Variants in NOP58 observed in about 807,000 individuals in gnomAD.
NOP58 encodes the protein NOP58 ribonucleoprotein.
Under a neutral mutation model 71.2 loss-of-function variants are expected in NOP58, and 44 were observed. The observed-to-expected ratio is 0.62, with a 90% CI of 0.49 to 0.79. The LOEUF is 0.79. NOP58 is among the 30% of genes least tolerant of loss of function. The probability of loss-of-function intolerance (pLI) is 0.00; values close to 1 mark genes in which losing one functional copy is unlikely to be tolerated. For synonymous variants in NOP58, 228 were observed against 200.3 expected (o/e 1.14, Z -1.17); for missense variants, 538 against 620.2 (o/e 0.87, Z 1.41).
chr2:202,265,857 G>A lies in NOP58; in HGVS notation c.-85G>A. On this transcript the variant is annotated 5_prime_UTR_variant, in exon 1 of 15. Transcript: ENST00000264279. ...GTGCTTTGCCCGCCGCGGCCTAGGAGGCCTTTTGAGGCCGCGTAGTCGGTG... is the reference window on the plus strand; with the variant it reads ...GTGCTTTGCCCGCCGCGGCCTAGGAAGCCTTTTGAGGCCGCGTAGTCGGTG... The A allele has an allele frequency of 6.6e-7, 1 of 1,514,870 alleles. No individual in the cohort carries two copies. The highest frequency in any genetic ancestry group is 1.1e-5 in the South Asian group (1 of 88,892). The allele number at this position is 1,514,870 out of a possible 1,614,324, so 93.8% of individuals were successfully genotyped here. A position where few individuals can be genotyped will look rare whatever the true frequency, so the allele number is the denominator to read the frequency against.
intron 6 of NOP58, among the ~76,000 whole-genome samples, chr2:202,290,018 G>A (rs945471803): frequency 1.3e-5 from 2 of 151,922 alleles, no homozygotes; most frequent in African/African-American, 2.4e-5. Flanking sequence ...GCAGTAGCAC[G>A]ATCTCGGCTC....
At chr2:202,266,956 A>G (rs1031476605) in intron 1 of NOP58, among the ~76,000 whole-genome samples, 25 of 118,654 alleles carry the variant, frequency 2.1e-4, no homozygotes, top group Admixed American at 2.1e-3. Context: ...CGGGCAGTTC[A>G]GTATTTCAGA....
At chr2:202,301,976 T>A (rs956042000) in intron 13 of NOP58, among the ~76,000 whole-genome samples, 1 of 152,146 alleles carries the variant, frequency 6.6e-6, no homozygotes, top group Non-Finnish European at 1.5e-5. Context: ...AACGAATATT[T>A]TTGCCTCTTG....
chr2:202,276,433 CGTT>C (rs1559260497), intron 2 of NOP58: 6 of 508,410 alleles, frequency 1.2e-5, no homozygotes, highest in South Asian at 4.3e-5. Context: ...TAATCTGATT[CGTT>C]GTTGTCAATG....
At chr2:202,283,444 A>ATT (rs112839981) in intron 4 of NOP58, among the ~76,000 whole-genome samples, 11,465 of 134,770 alleles carry the variant, frequency 0.085, 1,542 homozygotes, top group African/African-American at 0.29. Flanking sequence ...CCAACCTGTA[A>ATT]TTTTTTTTTT....
At chr2:202,303,272 A>G in intron 14 of NOP58, 114 bp from the exon 15 acceptor site, 2 of 1,459,294 alleles carry the variant, frequency 1.4e-6, no homozygotes, top group Non-Finnish European at 1.9e-6. Flanking sequence ...TGAGGGGAGG[A>G]GTATGATTTG....
intron 4 of NOP58, 41 bp from the exon 5 acceptor site, chr2:202,284,303 CT>C (rs751137102): frequency 0.073 from 74,905 of 1,025,696 alleles, no homozygotes; most frequent in South Asian, 0.11. Context: ...TCAGGAAAGT[CT>C]TTTTTTTTTT....
intron 9 of NOP58, chr2:202,293,139 G>A (rs1455317219): frequency 7.2e-6 from 5 of 696,342 alleles, no homozygotes; most frequent in Non-Finnish European, 1.3e-5. Flanking sequence ...AGACACTTGT[G>A]GTCCATTGTT....
chr2:202,291,737 G>C (rs1268198455), intron 8 of NOP58, among the ~76,000 whole-genome samples: 8 of 150,052 alleles, frequency 5.3e-5, no homozygotes, highest in African/African-American at 2.0e-4. Flanking sequence ...AACCAGGGAG[G>C]GGGAGGTTGC....
intron 12 of NOP58, among the ~76,000 whole-genome samples, chr2:202,298,592 C>G (rs1461317111): frequency 2.0e-5 from 3 of 152,160 alleles, no homozygotes; most frequent in Non-Finnish European, 4.4e-5. Context: ...GAGATCGCGC[C>G]CCTGCACTCC....
Position 202,300,327 on chromosome 2 carries a change from T to G in NOP58, c.1362T>G (p.Ile454Met). Reference sequence around the variant, plus strand: ...AACAGGTAGATAAAGAGGATGAAATTACTGAAAAGAAAGCCAAAAAAGCCA... The same window carrying G: ...AACAGGTAGATAAAGAGGATGAAATGACTGAAAAGAAAGCCAAAAAAGCCA... The part of the protein sequence containing the change: ...KIEQVDKEDE[I>M]TEKKAKKAKI... Residue 454 changes from isoleucine to methionine, a missense_variant, in exon 13 of 15, where the codon ATT becomes ATG. Physicochemically the swap from Ile to Met is conservative, Grantham distance 10 (BLOSUM62 1). Coordinates refer to ENST00000264279, the MANE Select transcript of NOP58 (RefSeq NM_015934.5). The G allele has an allele frequency of 1.3e-6, 2 of 1,595,018 alleles. No individual in the cohort carries two copies. The highest frequency in any genetic ancestry group is 1.7e-6 in the Non-Finnish European group (2 of 1,175,524).
intron 6 of NOP58, 90 bp from the exon 7 acceptor site, chr2:202,290,233 C>T (rs1412167371): frequency 1.0e-5 from 11 of 1,086,070 alleles, no homozygotes; most frequent in Non-Finnish European, 1.4e-5. Flanking sequence ...AGCCACCGTG[C>T]CCAGCCTGAA....
Position 202,303,514 on chromosome 2 carries a change from C to G in NOP58, c.*78C>G, listed in dbSNP as rs749529402. 1.3e-6 allele frequency: 2 copies of G among 1,510,074 alleles called. No individual in the cohort carries two copies. Among genetic ancestry groups the G allele is most frequent in the Non-Finnish European group, 1.8e-6 (2 of 1,127,966 alleles). 93.5% of individuals were successfully genotyped at this position (1,510,074 alleles called of 1,614,324 possible). A position where few individuals can be genotyped will look rare whatever the true frequency, so the allele number is the denominator to read the frequency against. ...ACTGGGAGCATACCAGGGATGCTCT[C>G]TAACGTAATCAAGGGAAGGTTCAGT... On this transcript the variant is annotated 3_prime_UTR_variant, in exon 15 of 15. Coordinates refer to ENST00000264279, the MANE Select transcript of NOP58 (RefSeq NM_015934.5).
intron 1 of NOP58, among the ~76,000 whole-genome samples, chr2:202,272,750 GAT>G (rs1223807797): frequency 6.6e-6 from 1 of 152,144 alleles, no homozygotes; most frequent in Non-Finnish European, 1.5e-5. Context: ...TCAAATAGGG[GAT>G]ATGACTCATG....
At position 202,292,765 on chromosome 2, in the gene NOP58, T is replaced by A. The variant is rs759987138; in HGVS notation, c.781-12T>A. 1 of 1,603,668 alleles carries A rather than the reference T, an allele frequency of 6.2e-7. No individual in the cohort carries two copies. The highest frequency in any genetic ancestry group is 1.1e-5 in the South Asian group (1 of 90,808). On this transcript the variant is annotated splice_polypyrimidine_tract_variant and intron_variant, in intron 8 of 14. Coordinates refer to ENST00000264279, the MANE Select transcript of NOP58 (RefSeq NM_015934.5). ...TATGATATTTGTGACTTAACTTTAT[T>A]CCTTATACTAGGTGATTGAAATCTC... is the stretch of plus-strand genomic sequence containing the variant.
At position 202,275,067 on chromosome 2, in the gene NOP58, C is replaced by T. The variant is rs1049393996; in HGVS notation, c.46-46C>T. The T allele has an allele frequency of 3.3e-6, 3 of 922,398 alleles. No homozygotes were observed. The African/African-American group carries it at 5.0e-5, about 15-fold the overall frequency. The allele number at this position is 922,398 out of a possible 1,614,324, so 57.1% of individuals were successfully genotyped here. On this transcript the variant is annotated intron_variant, in intron 1 of 14. Transcript: ENST00000264279. ...ATTTGAAGAATGCAGCTGTATATGC[C>T]TCACCTGTACCATTTAAATAAAACT...
chr2:202,282,417 A>C lies in NOP58; in HGVS notation c.242A>C (p.Lys81Thr). 1 of 1,613,792 alleles carries C rather than the reference A, an allele frequency of 6.2e-7. No homozygotes were observed. The highest frequency in any genetic ancestry group is 8.5e-7 in the Non-Finnish European group (1 of 1,179,914). ...QLKKVLKKIV[K>T]EAHEPLAVAD... Reference sequence around the variant, plus strand: ...AAAAAAGTTCTGAAGAAAATAGTAAAAGAAGCCCATGAACCGCTGGCAGTA... The same window carrying C: ...AAAAAAGTTCTGAAGAAAATAGTAACAGAAGCCCATGAACCGCTGGCAGTA... The change falls in exon 4 of 15, where the codon AAA (lysine) becomes ACA (threonine). Residue 81 changes from lysine to threonine, a missense_variant. Transcript: ENST00000264279.
intron 9 of NOP58, 84 bp downstream of exon 9, chr2:202,292,987 T>C: frequency 6.8e-7 from 1 of 1,470,682 alleles, no homozygotes; most frequent in Non-Finnish European, 9.5e-7. Context: ...AAACTACAGC[T>C]GTTAAAGAAA....
rs770766813 is a variant in NOP58, at chr2:202,297,900, A to C, written c.1262A>C (p.His421Pro). ...KALAKTEKYEHKSEVKTYDPS... is the reference protein window; with the variant it reads ...KALAKTEKYEPKSEVKTYDPS... ...TTAGCAAAAACAGAAAAATATGAAC[A>C]CAAAAGGTGAGTACATTTAAGTGAG... is the stretch of plus-strand genomic sequence containing the variant. The change falls in exon 12 of 15, where the codon CAC becomes CCC. Residue 421 changes from histidine (H) to proline (P), a missense_variant. Transcript: ENST00000264279. 3.2e-6 allele frequency: 5 copies of C among 1,576,628 alleles called. No individual in the cohort carries two copies. The African/African-American group carries it at 6.8e-5, about 21-fold the overall frequency.
Sources: allele counts gnomAD v4.1 joint callset (sites outside exome capture counted in the v4.1 genomes callset), GRCh38; gene constraint gnomAD v4.1.1; transcripts MANE v1.5; gene names NCBI Gene and HGNC (gene_info 2026-07-23, HGNC 2026-07-21).